PPP2R1B: variants seen among roughly 807,000 people sequenced by gnomAD.
The protein encoded by PPP2R1B is serine/threonine-protein phosphatase 2A 65 kDa regulatory subunit A beta isoform.
A neutral mutation model predicts 72.7 loss-of-function variants in PPP2R1B; 58 were observed. The ratio of observed to expected loss-of-function variants is 0.80; its 90% CI spans 0.65 to 0.99. The LOEUF (loss-of-function observed/expected upper bound fraction) is 0.99. PPP2R1B is among the 50% of genes least tolerant of loss of function. The pLI is 0.00. For missense variants in PPP2R1B, 695 were observed against 733.6 expected (o/e 0.95, Z 0.61); for synonymous variants, 256 against 264.6 (o/e 0.97, Z 0.32).
At chr11:111,701,969 T>A in the PPP2R1B span, among the ~76,000 whole-genome samples, 2 of 152,254 alleles carry the variant, frequency 1.3e-5, no homozygotes, top group Non-Finnish European at 2.9e-5. The surrounding 1 kb of genome is among the most constrained non-coding windows in gnomAD (Gnocchi z 4.2). Flanking sequence ...CTCTGCTAAA[T>A]TCAGATGATA....
At chr11:111,763,758 A>G (rs1453349428) in intron 3 of PPP2R1B, among the ~76,000 whole-genome samples, 1 of 151,946 alleles carries the variant, frequency 6.6e-6, no homozygotes, top group Non-Finnish European at 1.5e-5. Flanking sequence ...GATAAAGCTA[A>G]GTTTTGTTTT....
the PPP2R1B span, among the ~76,000 whole-genome samples, chr11:111,702,266 G>A: frequency 6.6e-6 from 1 of 152,074 alleles, no homozygotes; most frequent in African/African-American, 2.4e-5. Context: ...AGCACCTACC[G>A]CACGGGTGTT....
downstream of PPP2R1B, chr11:111,726,555 C>T (rs1373780533): frequency 5.9e-6 from 1 of 170,628 alleles, no homozygotes; most frequent in Non-Finnish European, 1.3e-5. Context: ...CAATAAATTC[C>T]ATAACCCTCT....
In PPP2R1B at chr11:111,741,452, C is replaced by A; in HGVS notation, c.*144G>T. The stretch of plus-strand genomic sequence containing the variant: ...ATTTCATCTTTAGAAAGAATTAAGT[C>A]ACTAAATGATTTCTTCTAAGTTGTT... On this transcript the variant is annotated 3_prime_UTR_variant, in exon 15 of 15. Coordinates refer to ENST00000527614, the MANE Select transcript of PPP2R1B (RefSeq NM_002716.5). 6.9e-7 allele frequency: 1 copy of A among 1,459,534 alleles called. No homozygotes were observed. Among genetic ancestry groups the A allele is most frequent in the Non-Finnish European group, 9.0e-7 (1 of 1,108,084 alleles). The allele number at this position is 1,459,534 out of a possible 1,614,324, so 90.4% of individuals were successfully genotyped here.
chr11:111,723,719 C>T (rs200829896), downstream of PPP2R1B: 7 of 1,614,196 alleles, frequency 4.3e-6, no homozygotes, highest in African/African-American at 9.3e-5. Context: ...CAGCCCTTTC[C>T]TCAGCCAGTA....
chr11:111,689,104 A>G, the PPP2R1B span, among the ~76,000 whole-genome samples: 1 of 152,330 alleles, frequency 6.6e-6, no homozygotes, highest in Non-Finnish European at 1.5e-5. Flanking sequence ...AGGCAGGTAG[A>G]CAGAGATTGG....
downstream of PPP2R1B, chr11:111,726,875 G>T: frequency 8.4e-7 from 1 of 1,183,940 alleles, no homozygotes; most frequent in Non-Finnish European, 1.2e-6. Flanking sequence ...AGACTTTGGT[G>T]AGATGAACGT....
At chr11:111,758,056 C>T (rs1052504394) in intron 5 of PPP2R1B, among the ~76,000 whole-genome samples, 1 of 152,178 alleles carries the variant, frequency 6.6e-6, no homozygotes, top group African/African-American at 2.4e-5. Flanking sequence ...TCCTTTCCAT[C>T]TTCACTACCA....
chr11:111,722,780 G>A (rs1289292778), downstream of PPP2R1B: 2 of 1,606,562 alleles, frequency 1.2e-6, no homozygotes, highest in Non-Finnish European at 1.7e-6. The surrounding 1 kb of genome is among the most constrained non-coding windows in gnomAD (Gnocchi z 4.4). Context: ...TTTGGCCAAA[G>A]AAGTTGCTTC....
chr11:111,713,901 A>G, the PPP2R1B span, among the ~76,000 whole-genome samples: 1 of 152,180 alleles, frequency 6.6e-6, no homozygotes, highest in Non-Finnish European at 1.5e-5. Context: ...CAGGAAGTGG[A>G]GGTTGCAGTG....
At chr11:111,764,650 G>A (rs1945451737) in intron 3 of PPP2R1B, among the ~76,000 whole-genome samples, 155 bp downstream of exon 3, 1 of 151,122 alleles carries the variant, frequency 6.6e-6, no homozygotes, top group Non-Finnish European at 1.5e-5. Flanking sequence ...AGTGCAAAGT[G>A]CCTACAGTAC....
chr11:111,723,769 T>G (rs1439366403), downstream of PPP2R1B: 1 of 1,613,890 alleles, frequency 6.2e-7, no homozygotes, highest in Non-Finnish European at 8.5e-7. Flanking sequence ...CCACTTCCGG[T>G]CCCCGGGCTG....
Position 111,765,393 on chromosome 11 carries a change from AAGAAAGT to A in PPP2R1B, c.115-16_115-10del, listed in dbSNP as rs1555052735. ...ATACTGTTGAGTCGGAGCTTCAGAA[AAGAAAGT>A]AGAAAGAAGAACAATGTAAAGAAAC... On this transcript the variant is annotated splice_polypyrimidine_tract_variant and intron_variant, in intron 1 of 14. Coordinates refer to ENST00000527614, the MANE Select transcript of PPP2R1B (RefSeq NM_002716.5). The A allele has an allele frequency of 6.3e-7, 1 of 1,595,690 alleles. No individual in the cohort carries two copies.
chr11:111,753,373 GA>G, intron 9 of PPP2R1B, 69 bp downstream of exon 9: 2 of 1,537,784 alleles, frequency 1.3e-6, no homozygotes, highest in Middle Eastern at 1.7e-4. Flanking sequence ...CTATTTTAAT[GA>G]AACCCTAAAC....
chr11:111,766,288 A>G lies in PPP2R1B; in HGVS notation c.74T>C (p.Ile25Thr). 6.2e-7 allele frequency: 1 copy of G among 1,600,064 alleles called. No individual in the cohort carries two copies. The highest frequency in any genetic ancestry group is 8.5e-7 in the Non-Finnish European group (1 of 1,173,910). ...GCGGAGCTCGTCGATTAAAACCGCG[A>G]TCGGGTATAGCGAATCATCTCCATC... ...GGDGDDSLYP[I>T]AVLIDELRNE... Residue 25 changes from isoleucine to threonine, a missense_variant, in exon 1 of 15, where the codon ATC becomes ACC. Coordinates refer to ENST00000527614, the MANE Select transcript of PPP2R1B (RefSeq NM_002716.5).
intron 5 of PPP2R1B, 140 bp from the exon 6 acceptor site, chr11:111,755,590 C>A: frequency 2.4e-5 from 11 of 450,700 alleles, no homozygotes; most frequent in Non-Finnish European, 3.8e-5. Context: ...ACATCTTTTT[C>A]TTTTTTTTTT....
In PPP2R1B at chr11:111,738,998, A is replaced by C; in HGVS notation, c.*2598T>G. ...GATGAAAAACAACATTACATGTCTGAAGCAATCAGACAAATCCACACAGAA... is the reference window on the plus strand; with the variant it reads ...GATGAAAAACAACATTACATGTCTGCAGCAATCAGACAAATCCACACAGAA... On this transcript the variant is annotated 3_prime_UTR_variant, in exon 15 of 15. Transcript: ENST00000527614. 2.0e-6 allele frequency: 2 copies of C among 985,040 alleles called. No homozygotes were observed. The highest frequency in any genetic ancestry group is 2.4e-6 in the Non-Finnish European group (2 of 829,892). The allele number at this position is 985,040 out of a possible 1,614,324, so 61.0% of individuals were successfully genotyped here.
intron 5 of PPP2R1B, 77 bp from the exon 6 acceptor site, chr11:111,755,527 T>C: frequency 7.4e-7 from 1 of 1,351,128 alleles, no homozygotes; most frequent in East Asian, 2.5e-5. Flanking sequence ...TGCAGGTGTT[T>C]AAAAAAATTA....
chr11:111,765,409 G>A lies in PPP2R1B; in HGVS notation c.115-25C>T, dbSNP rs928076787. 6.4e-6 allele frequency: 10 copies of A among 1,567,756 alleles called. No individual in the cohort carries two copies. In the East Asian group the frequency reaches 2.2e-4, roughly 35 times the overall value. On this transcript the variant is annotated intron_variant, in intron 1 of 14. Coordinates refer to ENST00000527614, the MANE Select transcript of PPP2R1B (RefSeq NM_002716.5). ...GCTTCAGAAAAGAAAGTAGAAAGAA[G>A]AACAATGTAAAGAAACGGCTGAATT...
Sources: gnomAD v4.1 joint callset for allele counts (sites outside exome capture counted in the v4.1 genomes callset) on GRCh38, gnomAD v4.1.1 for gene constraint, Gnocchi (gnomAD v3.1) non-coding constraint, MANE v1.5 for transcripts, NCBI Gene and HGNC (gene_info 2026-07-23, HGNC 2026-07-21) for gene names.